PTDSS1: variants seen among roughly 807,000 people sequenced by gnomAD.
PTDSS1 encodes the protein phosphatidylserine synthase 1.
A neutral mutation model predicts 70.5 loss-of-function variants in PTDSS1; 45 were observed. The ratio of observed to expected loss-of-function variants is 0.64; its 90% confidence interval spans 0.50 to 0.82. PTDSS1 has a LOEUF of 0.82. PTDSS1 is among the 40% of genes least tolerant of loss of function. PTDSS1 has a pLI of 0.00. For synonymous variants in PTDSS1, 188 were observed against 203.8 expected (o/e 0.92, Z 0.66); for missense variants, 417 against 586.1 (o/e 0.71, Z 2.98).
chr8:96,273,031 G>C (rs1810588192), intron 1 of PTDSS1, among the ~76,000 whole-genome samples: 1 of 152,184 alleles, frequency 6.6e-6, no homozygotes, highest in Non-Finnish European at 1.5e-5. Context: ...CACTTCACTG[G>C]AAGGTAAAGT....
At chr8:96,333,375 G>A (rs1352951706) in intron 12 of PTDSS1, 82 bp from the exon 13 acceptor site, 9 of 1,261,486 alleles carry the variant, frequency 7.1e-6, no homozygotes, top group Admixed American at 1.7e-5. Flanking sequence ...CTGTTCCCCG[G>A]CAAGCCTAGG....
intron 9 of PTDSS1, among the ~76,000 whole-genome samples, chr8:96,313,338 C>T (rs1182362982): frequency 6.6e-6 from 1 of 152,114 alleles, no homozygotes; most frequent in East Asian, 1.9e-4. Flanking sequence ...AGAAAGCAGC[C>T]GTGTGGAAAG....
chr8:96,316,054 AG>A (rs1289377448), intron 9 of PTDSS1, among the ~76,000 whole-genome samples: 2 of 152,158 alleles, frequency 1.3e-5, no homozygotes, highest in Non-Finnish European at 1.5e-5. Flanking sequence ...GCCTTCTGGA[AG>A]GGTGCTGTTG....
At position 96,333,387 on chromosome 8, in the gene PTDSS1, C is replaced by T. The variant is rs917942044; in HGVS notation, c.1313-70C>T. 10 of 1,364,946 alleles carry T rather than the reference C, an allele frequency of 7.3e-6. No homozygotes were observed. In the African/African-American group the frequency reaches 8.6e-5, roughly 12 times the overall value. 84.6% of individuals were successfully genotyped at this position (1,364,946 alleles called of 1,614,324 possible). On this transcript the variant is annotated intron_variant, in intron 12 of 12. Coordinates refer to ENST00000517309, the MANE Select transcript of PTDSS1 (RefSeq NM_014754.3). ...AACCTGTTCCCCGGCAAGCCTAGGG[C>T]GGTCTGGAAAGGGACAGTCACCAAT...
At chr8:96,324,829 T>C (rs890560628) in intron 10 of PTDSS1, among the ~76,000 whole-genome samples, 4 of 152,266 alleles carry the variant, frequency 2.6e-5, no homozygotes, top group Non-Finnish European at 5.9e-5. Context: ...TTAGAGAGAC[T>C]TTCTGTTACT....
chr8:96,296,316 T>C (rs1299403779), intron 5 of PTDSS1, among the ~76,000 whole-genome samples: 1 of 151,946 alleles, frequency 6.6e-6, no homozygotes, highest in African/African-American at 2.4e-5. Flanking sequence ...TTTTTGGTAT[T>C]TTTAGTAGAG....
At chr8:96,302,464 T>C (rs1258810881) in intron 6 of PTDSS1, among the ~76,000 whole-genome samples, 2 of 152,238 alleles carry the variant, frequency 1.3e-5, no homozygotes, top group African/African-American at 4.8e-5. Flanking sequence ...GACACTGTTA[T>C]TCTCTTCAGT....
intron 9 of PTDSS1, among the ~76,000 whole-genome samples, chr8:96,311,155 C>T (rs767016072): frequency 7.9e-5 from 12 of 152,144 alleles, no homozygotes; most frequent in Non-Finnish European, 1.8e-4. Context: ...ATGTGAGACC[C>T]TCTTGAATAT....
intron 5 of PTDSS1, 105 bp downstream of exon 5, chr8:96,295,361 CT>C: frequency 1.6e-6 from 2 of 1,260,980 alleles, no homozygotes; most frequent in South Asian, 3.9e-5. Context: ...TCTCCAGCCC[CT>C]GTGGTACAAA....
intron 9 of PTDSS1, among the ~76,000 whole-genome samples, chr8:96,318,902 CTTTTTTTTTTTTT>C (rs71267241): frequency 1.1e-4 from 5 of 46,188 alleles, no homozygotes; most frequent in African/African-American, 3.9e-4. Flanking sequence ...CCCTTCTTGC[CTTTTTTTTTTTTT>C]TTTTTTTTTT....
intron 2 of PTDSS1, among the ~76,000 whole-genome samples, chr8:96,276,694 A>T (rs952086559): frequency 1.3e-5 from 2 of 152,098 alleles, no homozygotes; most frequent in African/African-American, 4.8e-5. Context: ...GGCTTTCTCC[A>T]TAATATGTTT....
At chr8:96,305,896 G>T (rs1811115287) in intron 7 of PTDSS1, among the ~76,000 whole-genome samples, 2 of 152,176 alleles carry the variant, frequency 1.3e-5, no homozygotes, top group African/African-American at 4.8e-5. Flanking sequence ...GGCCAGGCTG[G>T]TCTCAAACAA....
Position 96,262,025 on chromosome 8 carries a change from G to A in PTDSS1, c.-16G>A. On this transcript the variant is annotated 5_prime_UTR_variant, in exon 1 of 13. Transcript: ENST00000517309. This position sits in a 1 kb window ranked among gnomAD's most constrained non-coding sequence, Gnocchi z 4.4. The stretch of plus-strand genomic sequence containing the variant: ...GCTGGGGCCGCCGCCACCGCGGCAG[G>A]ACGGGGAGGCGGGCCATGGCGTCCT... The A allele has an allele frequency of 1.2e-6, 2 of 1,608,098 alleles. No individual in the cohort carries two copies. Among genetic ancestry groups the A allele is most frequent in the Non-Finnish European group, 1.7e-6 (2 of 1,176,900 alleles).
chr8:96,333,200 A>G (rs949536331), intron 12 of PTDSS1, among the ~76,000 whole-genome samples: 3 of 152,180 alleles, frequency 2.0e-5, no homozygotes, highest in African/African-American at 7.2e-5. Flanking sequence ...CATCATACAC[A>G]GGACAGATGT....
intron 8 of PTDSS1, among the ~76,000 whole-genome samples, chr8:96,307,342 T>C (rs1257548422): frequency 6.6e-6 from 1 of 151,012 alleles, no homozygotes; most frequent in Non-Finnish European, 1.5e-5. Flanking sequence ...TTAATGTGCT[T>C]GCAAACCCCA....
chr8:96,287,154 C>T lies in PTDSS1; in HGVS notation c.441+8C>T, dbSNP rs759398872. 3.1e-6 allele frequency: 5 copies of T among 1,613,774 alleles called. No homozygotes were observed. The African/African-American group carries it at 4.0e-5, about 13-fold the overall frequency. The stretch of plus-strand genomic sequence containing the variant: ...AGGGAAGCAGATGTCATGGTATGTA[C>T]TTGTCAGTGGCCTCTTGGAGAAACT... On this transcript the variant is annotated splice_region_variant and intron_variant, in intron 4 of 12. Transcript: ENST00000517309.
At chr8:96,327,602 A>C (rs1811456036) in intron 10 of PTDSS1, among the ~76,000 whole-genome samples, 1 of 152,132 alleles carries the variant, frequency 6.6e-6, no homozygotes, top group African/African-American at 2.4e-5. Flanking sequence ...AAAGCCCCTA[A>C]TTACTCCCCT....
intron 5 of PTDSS1, among the ~76,000 whole-genome samples, chr8:96,299,123 C>T (rs1368466223): frequency 1.3e-5 from 2 of 151,882 alleles, no homozygotes; most frequent in Admixed American, 6.6e-5. Flanking sequence ...CCACCTTGCA[C>T]ATCATGGGCA....
At chr8:96,293,679 T>C (rs2319599) in intron 4 of PTDSS1, among the ~76,000 whole-genome samples, 80,610 of 152,202 alleles carry the variant, frequency 0.53, 23,870 homozygotes, top group African/African-American at 0.81. Flanking sequence ...AAAATGCCTT[T>C]CCGCATGTCA....
Sources: allele counts gnomAD v4.1 joint callset (sites outside exome capture counted in the v4.1 genomes callset), GRCh38; gene constraint gnomAD v4.1.1; non-coding constraint Gnocchi (gnomAD v3.1); transcripts MANE v1.5; gene names NCBI Gene and HGNC (gene_info 2026-07-23, HGNC 2026-07-21).